Variants in B3GALT1 observed in about 807,000 individuals in gnomAD.
B3GALT1 encodes the protein UDP-Gal:betaGlcNAc beta 1,3-galactosyltransferase, polypeptide 1.
Under a neutral mutation model 23.2 loss-of-function variants are expected in B3GALT1, and 10 were observed. The ratio of observed to expected loss-of-function variants is 0.43; its 90% CI spans 0.27 to 0.73. The LOEUF is 0.73. Among genes scored for constraint, B3GALT1 ranks in the 30% least tolerant of loss-of-function variants. The pLI is 0.21. For synonymous variants in B3GALT1, 156 were observed against 141.5 expected (o/e 1.10, Z -0.73); for missense variants, 299 against 405.4 (o/e 0.74, Z 2.25).
chr2:167,502,061 C>T (rs566611337), intron 2 of B3GALT1, among the ~76,000 whole-genome samples: 1 of 152,156 alleles, frequency 6.6e-6, no homozygotes, highest in East Asian at 1.9e-4. Flanking sequence ...CATGGTGGTT[C>T]GTTCATTCAT....
chr2:167,408,080 A>G (rs1192198227), intron 1 of B3GALT1, among the ~76,000 whole-genome samples: 1 of 149,136 alleles, frequency 6.7e-6, no homozygotes, highest in Non-Finnish European at 1.5e-5. Context: ...ACAGACACAC[A>G]AAACTACAGG....
chr2:167,799,215 G>A (rs949506893), intron 3 of B3GALT1, among the ~76,000 whole-genome samples: 1 of 152,062 alleles, frequency 6.6e-6, no homozygotes, highest in African/African-American at 2.4e-5. Context: ...TAGCTTTAGG[G>A]GTACAAGTAG....
intron 4 of B3GALT1, among the ~76,000 whole-genome samples, chr2:167,823,729 A>G (rs2105369163): frequency 6.6e-6 from 1 of 152,346 alleles, no homozygotes; most frequent in Admixed American, 6.5e-5. Context: ...TACACAGGCC[A>G]GTGGGGGAAC....
intron 2 of B3GALT1, among the ~76,000 whole-genome samples, chr2:167,612,358 T>C (rs79918750): frequency 0.011 from 1,390 of 126,986 alleles, 15 homozygotes; most frequent in South Asian, 0.043. Flanking sequence ...TAGCAGATAT[T>C]ATTAGGCCTT....
intron 1 of B3GALT1, among the ~76,000 whole-genome samples, chr2:167,482,230 A>G (rs1699571257): frequency 6.6e-6 from 1 of 152,190 alleles, no homozygotes; most frequent in African/African-American, 2.4e-5. Flanking sequence ...TCAAATGAAT[A>G]ATATATCAAA....
chr2:167,411,555 G>A (rs1403831910), intron 1 of B3GALT1, among the ~76,000 whole-genome samples: 1 of 152,096 alleles, frequency 6.6e-6, no homozygotes, highest in Non-Finnish European at 1.5e-5. Context: ...TGTATCAATA[G>A]ACAGGCAATG....
At chr2:167,769,858 T>C (rs1248475518) in intron 3 of B3GALT1, among the ~76,000 whole-genome samples, 1 of 152,218 alleles carries the variant, frequency 6.6e-6, no homozygotes, top group Non-Finnish European at 1.5e-5. Context: ...ATAGGAACAA[T>C]ATATTCAAGA....
chr2:167,407,696 A>G (rs951857303), intron 1 of B3GALT1, among the ~76,000 whole-genome samples: 2 of 152,154 alleles, frequency 1.3e-5, no homozygotes, highest in Non-Finnish European at 2.9e-5. Context: ...ATTAGACACT[A>G]TTATGAACAA....
intron 2 of B3GALT1, among the ~76,000 whole-genome samples, chr2:167,632,699 C>A (rs1040385599): frequency 6.6e-6 from 1 of 151,782 alleles, no homozygotes; most frequent in Non-Finnish European, 1.5e-5. Flanking sequence ...GATATTAGCC[C>A]TTTGTGAGAT....
intron 3 of B3GALT1, among the ~76,000 whole-genome samples, chr2:167,665,623 T>C (rs1686163300): frequency 6.6e-6 from 1 of 152,000 alleles, no homozygotes; most frequent in Admixed American, 6.5e-5. Flanking sequence ...AGCTATTGAT[T>C]ATTGCCACAA....
chr2:167,739,934 ACAAAC>A lies in B3GALT1; in HGVS notation c.-351-78737_-351-78733del, dbSNP rs1558964592. On this transcript the variant is annotated intron_variant, in intron 3 of 4. Transcript: ENST00000392690. ...AGTAAGAAGTTGTCTCTACAAAAAA[ACAAAC>A]AAAAAAAAAAAAATCTAGGCGTGGT... 1.2e-3 allele frequency among the ~76,000 whole-genome samples: 124 copies of A among 103,304 alleles called. 4 individuals are homozygous for A. The highest frequency in any genetic ancestry group is 2.5e-3 in the South Asian group (8 of 3,254). 67.8% of individuals were successfully genotyped at this position (103,304 alleles called of 152,430 possible).
chr2:167,561,407 A>G (rs1347936678), intron 2 of B3GALT1, among the ~76,000 whole-genome samples: 2 of 152,168 alleles, frequency 1.3e-5, no homozygotes, highest in African/African-American at 4.8e-5. Context: ...TAGAAAAGCA[A>G]GAGCAAACAC....
chr2:167,478,820 T>C (rs1014559664), intron 1 of B3GALT1, among the ~76,000 whole-genome samples: 2 of 152,090 alleles, frequency 1.3e-5, no homozygotes, highest in Admixed American at 6.6e-5. Context: ...ATGTGGTGTT[T>C]GGTTTTTTGT....
chr2:167,540,244 A>G (rs1683513174), intron 2 of B3GALT1, among the ~76,000 whole-genome samples: 1 of 152,128 alleles, frequency 6.6e-6, no homozygotes, highest in African/African-American at 2.4e-5. Flanking sequence ...AGCATGCACC[A>G]AGAAAGTGCC....
At position 167,411,224 on chromosome 2, in the gene B3GALT1, TAACAACAAC is replaced by T. The variant is rs141653413; in HGVS notation, c.-510-78932_-510-78924del. On this transcript the variant is annotated intron_variant, in intron 1 of 4. Transcript: ENST00000392690. ...TACATCAAGCTAAAAATCTTCTGTA[TAACAACAAC>T]AACAACAACAACAACAACAAAAATC... is the stretch of plus-strand genomic sequence containing the variant. Among the ~76,000 whole-genome samples the T allele has an allele frequency of 6.1e-3, 922 of 150,720 alleles. 9 individuals carry two copies. Among genetic ancestry groups the T allele is most frequent in the African/African-American group, 0.021 (877 of 41,122 alleles).
At position 167,385,905 on chromosome 2, in the gene B3GALT1, A is replaced by G. The variant is rs1697923946; in HGVS notation, c.-511+92571A>G. On this transcript the variant is annotated intron_variant, in intron 1 of 4. Transcript: ENST00000392690. ...CTCCCCAATTTTCCAGCATATAAACACAGTAATGATTGAAAGGAGAACTGT... is the reference window on the plus strand; with the variant it reads ...CTCCCCAATTTTCCAGCATATAAACGCAGTAATGATTGAAAGGAGAACTGT... Among the ~76,000 whole-genome samples, 5 of 152,196 alleles carry G rather than the reference A, an allele frequency of 3.3e-5. 1 individual carries two copies. The South Asian group carries it at 1.0e-3, about 31-fold the overall frequency.
chr2:167,386,510 G>T (rs536999361), intron 1 of B3GALT1, among the ~76,000 whole-genome samples: 1 of 152,150 alleles, frequency 6.6e-6, no homozygotes, highest in South Asian at 2.1e-4. Context: ...GTTTTCTTTA[G>T]ATTCTCAGTA....
chr2:167,557,754 G>A (rs1574135502), intron 2 of B3GALT1, among the ~76,000 whole-genome samples: 2 of 151,844 alleles, frequency 1.3e-5, no homozygotes, highest in South Asian at 4.1e-4. Flanking sequence ...TGAACATTAT[G>A]TACTTTTCTG....
intron 4 of B3GALT1, among the ~76,000 whole-genome samples, chr2:167,864,096 C>T (rs776501257): frequency 1.3e-5 from 2 of 152,036 alleles, no homozygotes; most frequent in African/African-American, 4.8e-5. Flanking sequence ...TTCAGCTTCC[C>T]CACCCTGCTC....
Sources: gnomAD v4.1 joint callset for allele counts (sites outside exome capture counted in the v4.1 genomes callset) on GRCh38, gnomAD v4.1.1 for gene constraint, MANE v1.5 for transcripts, NCBI Gene and HGNC (gene_info 2026-07-23, HGNC 2026-07-21) for gene names.